Variants in MACF1 observed in about 807,000 individuals in gnomAD.
MACF1 encodes the protein microtubule actin crosslinking factor 1.
In MACF1, 193 loss-of-function variants were observed where a neutral mutation model predicts 854.8. The ratio of observed to expected loss-of-function variants is 0.23; its 90% confidence interval spans 0.20 to 0.25. The LOEUF is 0.25. Among genes scored for constraint, MACF1 ranks in the 10% least tolerant of loss-of-function variants. The pLI is 1.00. For missense variants in MACF1, 7,722 were observed against 8,929.1 expected, an observed-to-expected ratio of 0.86 and a Z score of 5.45; for synonymous variants, 3,185 against 3,226.7, an observed-to-expected ratio of 0.99 and a Z score of 0.44.
rs1557442369 is a variant in MACF1, at chr1:39,084,512, G to A, written c.220+74G>A. ...ATGGGCCAGGGCACAGCAGCTGTGT[G>A]GGGAGCCGAGGGGTCCTCACCAGGG... On this transcript the variant is annotated intron_variant, in intron 2 of 93. Transcript: ENST00000361689. This position sits in a 1 kb window ranked among gnomAD's most constrained non-coding sequence, Gnocchi z 5.2. The A allele has an allele frequency of 1.6e-6, 2 of 1,241,374 alleles. No individual in the cohort carries two copies. The highest frequency in any genetic ancestry group is 2.6e-5 in the South Asian group (2 of 77,406). 76.9% of individuals were successfully genotyped at this position (1,241,374 alleles called of 1,614,324 possible). A position where few individuals can be genotyped will look rare whatever the true frequency, so the allele number is the denominator to read the frequency against.
At chr1:39,464,952 G>C (rs1336648645) in intron 94 of MACF1, 143 bp from the exon 95 acceptor site, 1 of 762,560 alleles carries the variant, frequency 1.3e-6, no homozygotes, top group African/African-American at 1.7e-5. Context: ...TGTGGCAGGA[G>C]CTTGGTAAGA....
At chr1:39,477,075 A>ATATATACACACACACATATACACTTAGTG (rs1644909635) in intron 97 of MACF1, among the ~76,000 whole-genome samples, 1 of 51,308 alleles carries the variant, frequency 1.9e-5, no homozygotes, top group African/African-American at 1.1e-4. Flanking sequence ...ATATATATAT[A>ATATATACACACACACATATACACTTAGTG]TATATATATA....
At chr1:39,324,078 A>T (rs781497711) in intron 33 of MACF1, 115 bp from the exon 34 acceptor site, 55 of 1,065,974 alleles carry the variant, frequency 5.2e-5, no homozygotes, top group Non-Finnish European at 7.2e-5. Flanking sequence ...TTCACAGCCC[A>T]CTTATTTAGG....
chr1:39,369,653 T>C (rs757796477), intron 50 of MACF1, among the ~76,000 whole-genome samples: 4 of 152,218 alleles, frequency 2.6e-5, no homozygotes, highest in Non-Finnish European at 5.9e-5. Flanking sequence ...CAATCAGCAC[T>C]TGAATTGGTC....
rs563081601 is a variant in MACF1, at chr1:39,263,994, T to C, written c.528+5966T>C. 2.0e-5 allele frequency among the ~76,000 whole-genome samples: 3 copies of C among 152,128 alleles called. No homozygotes were observed. The East Asian group carries it at 5.8e-4, about 29-fold the overall frequency. On this transcript the variant is annotated intron_variant, in intron 6 of 100. Coordinates refer to ENST00000564288, the MANE Select transcript of MACF1 (RefSeq NM_001394062.1). ...TTCACCGTGTTAGCCAGGATGGTCTTGATCTTCTGACCTCATGATCCGCCC... is the reference window on the plus strand; with the variant it reads ...TTCACCGTGTTAGCCAGGATGGTCTCGATCTTCTGACCTCATGATCCGCCC...
At position 39,310,392 on chromosome 1, in the gene MACF1, G is replaced by A. The variant is rs1646276081; in HGVS notation, c.3064G>A (p.Ala1022Thr). ...GGAAGAGGAGGTGGAAGCTTGTAAA[G>A]CCCGCTTCCAGCACCTGATGAAGTC... is the stretch of plus-strand genomic sequence containing the variant. ...RLEEEVEACKARFQHLMKSME... is the reference protein window; with the variant it reads ...RLEEEVEACKTRFQHLMKSME... The change falls in exon 25 of 101, where the codon GCC (alanine) becomes ACC (threonine). Residue 1022 changes from alanine to threonine, a missense_variant. Physicochemically the swap from Ala to Thr is moderately conservative, Grantham distance 58. Transcript: ENST00000564288. 2 of 1,614,150 alleles carry A rather than the reference G, an allele frequency of 1.2e-6. No homozygotes were observed. The highest frequency in any genetic ancestry group is 1.7e-6 in the Non-Finnish European group (2 of 1,180,030).
At chr1:39,452,616 A>G (rs1293612030) in intron 86 of MACF1, 68 bp from the exon 87 acceptor site, 7 of 1,595,742 alleles carry the variant, frequency 4.4e-6, no homozygotes, top group Non-Finnish European at 6.0e-6. Flanking sequence ...CCCTTTCCCT[A>G]GCATGTCCCA....
At chr1:39,117,483 C>G (rs979348570) in intron 2 of MACF1, among the ~76,000 whole-genome samples, 2 of 151,932 alleles carry the variant, frequency 1.3e-5, no homozygotes, top group African/African-American at 4.8e-5. Context: ...GATCTTGTTT[C>G]ACTCCCTGGT....
intron 2 of MACF1, among the ~76,000 whole-genome samples, chr1:39,089,940 A>G (rs555519268): frequency 6.6e-6 from 1 of 152,366 alleles, no homozygotes; most frequent in Non-Finnish European, 1.5e-5. Flanking sequence ...TAACAGTGTC[A>G]TTCCTTGTAA....
chr1:39,202,277 A>G (rs913393523), upstream of MACF1, among the ~76,000 whole-genome samples: 12 of 147,228 alleles, frequency 8.2e-5, no homozygotes, highest in African/African-American at 3.0e-4. Flanking sequence ...CATATTCTTT[A>G]TCTGCTCAGA....
intron 2 of MACF1, chr1:39,154,370 T>C (rs143923819): frequency 7.9e-5 from 12 of 152,268 alleles, no homozygotes; most frequent in Middle Eastern, 3.4e-3. Context: ...AGCATGTAGG[T>C]CAGTGCCTCC....
intron 58 of MACF1, among the ~76,000 whole-genome samples, chr1:39,391,934 A>G (rs970772976): frequency 2.2e-4 from 33 of 152,340 alleles, no homozygotes; most frequent in African/African-American, 7.0e-4. Context: ...GTGTTCATCA[A>G]CAGTGGACTG....
chr1:39,452,580 C>A, intron 86 of MACF1, 104 bp from the exon 87 acceptor site: 1 of 1,444,176 alleles, frequency 6.9e-7, no homozygotes. Flanking sequence ...TTGATGAGGC[C>A]ATGAAATGTC....
chr1:39,269,837 A>T (rs1645282397), intron 6 of MACF1: 2 of 800,178 alleles, frequency 2.5e-6, no homozygotes, highest in South Asian at 3.5e-5. Context: ...ACTTACCCCC[A>T]TGTGGGTTAG....
At chr1:39,172,404 A>G (rs907128977) in intron 2 of MACF1, among the ~76,000 whole-genome samples, 33 of 152,162 alleles carry the variant, frequency 2.2e-4, no homozygotes, top group Non-Finnish European at 2.9e-4. Context: ...AAACTTGCTC[A>G]TGGGTTGAGC....
At chr1:39,457,990 AC>A (rs1644475464) in intron 89 of MACF1, 1 of 163,522 alleles carries the variant, frequency 6.1e-6, no homozygotes, top group Non-Finnish European at 1.3e-5. Flanking sequence ...CCAGCGTGTT[AC>A]ATGGCAAGAG....
rs148069432 is a variant in MACF1, at chr1:39,372,528, A to G, written c.13145A>G (p.Asn4382Ser). 2,788 of 1,613,950 alleles carry G rather than the reference A, an allele frequency of 1.7e-3. 29 individuals carry two copies. The highest frequency in any genetic ancestry group is 0.011 in the South Asian group (1,013 of 91,066). ...AAGGGAACTCTGGTGGAAGAAATCAATTGCAAAGGTACTTCTTTAGAAAAT... is the reference window on the plus strand; with the variant it reads ...AAGGGAACTCTGGTGGAAGAAATCAGTTGCAAAGGTACTTCTTTAGAAAAT... ...ASKGTLVEEINCKGTSLENLI... is the reference protein window; with the variant it reads ...ASKGTLVEEISCKGTSLENLI... Residue 4382 changes from asparagine to serine, a missense_variant, in exon 52 of 101, where the codon AAT becomes AGT. Coordinates refer to ENST00000564288, the MANE Select transcript of MACF1 (RefSeq NM_001394062.1).
intron 58 of MACF1, among the ~76,000 whole-genome samples, chr1:39,420,864 ATTT>A (rs922511626): frequency 2.3e-5 from 3 of 133,268 alleles, no homozygotes; most frequent in Non-Finnish European, 4.8e-5. Context: ...GAGAAACCCA[ATTT>A]TTTTTTTTTT....
chr1:39,213,556 C>A (rs1232220163), intron 1 of MACF1, among the ~76,000 whole-genome samples: 1 of 152,054 alleles, frequency 6.6e-6, no homozygotes. Flanking sequence ...AGGGTGGTCT[C>A]GAACTCCTGA....
Sources: gnomAD v4.1 joint callset for allele counts (sites outside exome capture counted in the v4.1 genomes callset) on GRCh38, gnomAD v4.1.1 for gene constraint, Gnocchi (gnomAD v3.1) non-coding constraint, MANE v1.5 for transcripts, NCBI Gene and HGNC (gene_info 2026-07-23, HGNC 2026-07-21) for gene names.